The following CA10 variants were observed in gnomAD, a reference collection of about 807,000 sequenced individuals.
The protein encoded by CA10 is carbonic anhydrase-related protein 10.
CA10 carries 14 observed loss-of-function variants against 44.2 expected under a neutral mutation model. The observed-to-expected ratio is 0.32, with a 90% CI of 0.21 to 0.50. CA10 has a LOEUF of 0.50. Ranked by LOEUF, CA10 falls within the 20% of genes least tolerant of loss-of-function variation. The pLI is 0.99. For synonymous variants in CA10, 159 were observed against 141.6 expected (o/e 1.12, Z -0.87); for missense variants, 350 against 409.7 (o/e 0.85, Z 1.26).
At chr17:51,948,359 G>T (rs1287680231) in intron 2 of CA10, among the ~76,000 whole-genome samples, 5 of 152,078 alleles carry the variant, frequency 3.3e-5, no homozygotes, top group Non-Finnish European at 5.9e-5. Flanking sequence ...TCCAGCGATG[G>T]GTCATTGCCC....
At chr17:52,072,549 T>TC (rs1987708373) in intron 1 of CA10, among the ~76,000 whole-genome samples, 156 bp from the exon 2 acceptor site, 1 of 151,598 alleles carries the variant, frequency 6.6e-6, no homozygotes, top group African/African-American at 2.4e-5. Flanking sequence ...CTTTTTTTTT[T>TC]CAAATAGATC....
chr17:51,999,631 A>T (rs1985353825), intron 2 of CA10, among the ~76,000 whole-genome samples: 1 of 152,050 alleles, frequency 6.6e-6, no homozygotes, highest in African/African-American at 2.4e-5. Context: ...TCTGTGAAGA[A>T]GGATGCCAGC....
At chr17:51,734,179 G>A (rs1484186566) in intron 4 of CA10, among the ~76,000 whole-genome samples, 1 of 31,870 alleles carries the variant, frequency 3.1e-5, no homozygotes, top group South Asian at 6.7e-4. Flanking sequence ...ATCTTTGGTT[G>A]GGGGGGGGGG....
At chr17:51,885,174 C>T (rs987436445) in intron 3 of CA10, among the ~76,000 whole-genome samples, 1 of 152,178 alleles carries the variant, frequency 6.6e-6, no homozygotes, top group African/African-American at 2.4e-5. Context: ...TACAAGAATG[C>T]AAGCTCTAAG....
At chr17:51,959,815 G>GAAAAAAAAAAAAAAA (rs1983819912) in intron 2 of CA10, among the ~76,000 whole-genome samples, 1 of 86,572 alleles carries the variant, frequency 1.2e-5, no homozygotes, top group Non-Finnish European at 2.7e-5. Flanking sequence ...AAAAAAAAAG[G>GAAAAAAAAAAAAAAA]AAAGAAAAGA....
At chr17:52,022,505 T>A (rs538591686) in intron 2 of CA10, among the ~76,000 whole-genome samples, 55 of 152,056 alleles carry the variant, frequency 3.6e-4, no homozygotes, top group African/African-American at 1.2e-3. Flanking sequence ...CCATAATGAG[T>A]GGGTGAAAGC....
At chr17:51,967,881 T>C (rs923828488) in intron 2 of CA10, among the ~76,000 whole-genome samples, 9 of 151,540 alleles carry the variant, frequency 5.9e-5, no homozygotes, top group Non-Finnish European at 1.2e-4. Context: ...ATACGAAAAA[T>C]GGCCTCCCAA....
chr17:51,972,086 A>C (rs1984300730), intron 2 of CA10, among the ~76,000 whole-genome samples: 1 of 152,098 alleles, frequency 6.6e-6, no homozygotes, highest in South Asian at 2.1e-4. Context: ...ATATAACAAA[A>C]TAGAACCAGA....
At chr17:52,089,334 T>C (rs1330155024) in intron 1 of CA10, among the ~76,000 whole-genome samples, 1 of 152,216 alleles carries the variant, frequency 6.6e-6, no homozygotes, top group Non-Finnish European at 1.5e-5. Context: ...AAGGGTGGGC[T>C]GGCATTAGGT....
intron 3 of CA10, among the ~76,000 whole-genome samples, chr17:51,816,238 G>A (rs1326119763): frequency 2.0e-5 from 3 of 152,180 alleles, no homozygotes; most frequent in Admixed American, 6.5e-5. Context: ...TGGTGCAATT[G>A]ACAGGACTGC....
At chr17:51,697,177 G>A (rs1397674505) in intron 4 of CA10, among the ~76,000 whole-genome samples, 2 of 151,816 alleles carry the variant, frequency 1.3e-5, no homozygotes, top group African/African-American at 4.8e-5. Context: ...TAAACTCTCT[G>A]TACCTTTGCC....
At chr17:52,029,688 C>T (rs1463119637) in intron 2 of CA10, among the ~76,000 whole-genome samples, 1 of 152,140 alleles carries the variant, frequency 6.6e-6, no homozygotes, top group African/African-American at 2.4e-5. Context: ...GTACCTGATT[C>T]AGTCATTCAG....
At chr17:51,630,318 G>A (rs1912507988), downstream of CA10, 1 of 152,512 alleles carries the variant, frequency 6.6e-6, no homozygotes, top group Admixed American at 6.5e-5. Context: ...ATGGGTACTG[G>A]GTAACTTGTT....
chr17:51,820,194 C>CT (rs1491097577), intron 3 of CA10, among the ~76,000 whole-genome samples: 1 of 132,704 alleles, frequency 7.5e-6, no homozygotes, highest in Non-Finnish European at 1.6e-5. Context: ...CGCCCCCCCC[C>CT]CCCCAGGTAA....
chr17:52,121,159 A>T (rs1260308422), intron 1 of CA10, among the ~76,000 whole-genome samples: 1 of 152,170 alleles, frequency 6.6e-6, no homozygotes, highest in Non-Finnish European at 1.5e-5. Flanking sequence ...AGTTTTCCAT[A>T]TAGCAGATAG....
At chr17:52,017,796 C>G (rs1049893531) in intron 2 of CA10, among the ~76,000 whole-genome samples, 1 of 152,050 alleles carries the variant, frequency 6.6e-6, no homozygotes, top group Non-Finnish European at 1.5e-5. Flanking sequence ...GTCATGCACT[C>G]GTAGCCAAGA....
chr17:51,768,924 G>C (rs1905493329), intron 3 of CA10, among the ~76,000 whole-genome samples: 1 of 152,160 alleles, frequency 6.6e-6, no homozygotes, highest in South Asian at 2.1e-4. Flanking sequence ...CTGATGACAT[G>C]GCAAGACTGA....
Position 51,994,150 on chromosome 17 carries a change from C to T in CA10, c.137-63018G>A, listed in dbSNP as rs904630564. Among the ~76,000 whole-genome samples the T allele has an allele frequency of 8.6e-5, 13 of 151,946 alleles. No homozygotes were observed. The East Asian group carries it at 1.4e-3, about 16-fold the overall frequency. On this transcript the variant is annotated intron_variant, in intron 2 of 8. Transcript: ENST00000451037. ...GAGTGAATAGATATTGTCCAGGTTC[C>T]GACTCCATCAGAAAGAAAAAGGGCA... is the stretch of plus-strand genomic sequence containing the variant.
intron 2 of CA10, among the ~76,000 whole-genome samples, chr17:52,058,953 G>A (rs923672496): frequency 3.3e-5 from 5 of 152,132 alleles, no homozygotes; most frequent in Admixed American, 3.3e-4. Context: ...CTAGCAGAGT[G>A]TCTGGCACAT....
Sources: allele counts gnomAD v4.1 joint callset (sites outside exome capture counted in the v4.1 genomes callset), GRCh38; gene constraint gnomAD v4.1.1; transcripts MANE v1.5; gene names NCBI Gene and HGNC (gene_info 2026-07-23, HGNC 2026-07-21).